TSNARE1: variants seen among roughly 807,000 people sequenced by gnomAD.
The protein encoded by TSNARE1 is t-SNARE domain-containing protein 1.
A neutral mutation model predicts 62.0 loss-of-function variants in TSNARE1; 49 were observed. The observed-to-expected ratio is 0.79, with a 90% CI of 0.63 to 1.00. The LOEUF (loss-of-function observed/expected upper bound fraction) is 1.00. Ranked by LOEUF, TSNARE1 falls within the 50% of genes least tolerant of loss-of-function variation. The pLI is 0.00. For missense variants in TSNARE1, 755 were observed against 700.1 expected (o/e 1.08, Z -0.88); for synonymous variants, 328 against 294.4 (o/e 1.11, Z -1.17).
chr8:142,340,038 G>T (rs973524519), intron 4 of TSNARE1, among the ~76,000 whole-genome samples: 1 of 152,360 alleles, frequency 6.6e-6, no homozygotes, highest in African/African-American at 2.4e-5. Context: ...CAGGGTCGGG[G>T]CCAGACTGGC....
intron 4 of TSNARE1, among the ~76,000 whole-genome samples, chr8:142,334,197 C>T (rs935357984): frequency 2.0e-5 from 3 of 152,236 alleles, no homozygotes; most frequent in Admixed American, 6.5e-5. Context: ...CCATGCCTCA[C>T]TACCATTTTC....
At position 142,292,051 on chromosome 8, in the gene TSNARE1, G is replaced by A. The variant is rs184583956; in HGVS notation, c.1291-7566C>T. Among the ~76,000 whole-genome samples the A allele has an allele frequency of 1.5e-4, 23 of 151,556 alleles. No individual in the cohort carries two copies. In the East Asian group the frequency reaches 3.9e-3, roughly 26 times the overall value. On this transcript the variant is annotated intron_variant, in intron 10 of 13. Transcript: ENST00000524325. ...GGCTCGGCTTCCTTCTGGCTCTGCC[G>A]GGGTCCTGGCAGCATCCTCCAGGGC...
chr8:142,384,536 G>C (rs967099954), intron 1 of TSNARE1, among the ~76,000 whole-genome samples: 11 of 152,124 alleles, frequency 7.2e-5, no homozygotes, highest in African/African-American at 2.4e-4. Context: ...TGTATACATG[G>C]TGATATGATC....
At chr8:142,228,184 C>T (rs1816928921) in intron 13 of TSNARE1, among the ~76,000 whole-genome samples, 1 of 152,218 alleles carries the variant, frequency 6.6e-6, no homozygotes, top group Admixed American at 6.5e-5. Context: ...GCCAGAGCCA[C>T]CCAGCTAAGC....
chr8:142,354,648 C>T lies in TSNARE1; in HGVS notation c.77G>A (p.Cys26Tyr). Residue 26 changes from cysteine to tyrosine, a missense_variant, in exon 2 of 14, where the codon TGT becomes TAT. Physicochemically the swap from Cys to Tyr is radical, Grantham distance 194. Coordinates refer to ENST00000524325, the MANE Select transcript of TSNARE1 (RefSeq NM_145003.5). ...GPFGGPSRQG[C>Y]QPLECARCWT... The stretch of plus-strand genomic sequence containing the variant: ...GCTACTATCATTACCTAGGGGCTGA[C>T]AGCCTTGTCTCGAAGGTCCCCCGAA... 6.2e-7 allele frequency: 1 copy of T among 1,612,782 alleles called. No individual in the cohort carries two copies.
At chr8:142,386,958 A>G (rs1213961245) in intron 1 of TSNARE1, among the ~76,000 whole-genome samples, 1 of 152,192 alleles carries the variant, frequency 6.6e-6, no homozygotes, top group Non-Finnish European at 1.5e-5. Flanking sequence ...AAGGCGGTAA[A>G]AGTGATTGAT....
At chr8:142,359,110 C>T (rs1474383360) in intron 1 of TSNARE1, among the ~76,000 whole-genome samples, 1 of 152,120 alleles carries the variant, frequency 6.6e-6, no homozygotes, top group East Asian at 1.9e-4. Flanking sequence ...ACTCGGCTTC[C>T]CCCATGCTGC....
intron 1 of TSNARE1, among the ~76,000 whole-genome samples, chr8:142,368,292 G>A (rs1363093751): frequency 6.6e-6 from 1 of 152,110 alleles, no homozygotes; most frequent in Non-Finnish European, 1.5e-5. Flanking sequence ...GACACAAACA[G>A]AAAATTTACA....
intron 2 of TSNARE1, among the ~76,000 whole-genome samples, chr8:142,351,512 C>T (rs905354247): frequency 2.6e-5 from 4 of 152,116 alleles, no homozygotes; most frequent in Admixed American, 6.5e-5. Context: ...TGCTTGTTCA[C>T]GGACTGGAAG....
intron 6 of TSNARE1, among the ~76,000 whole-genome samples, chr8:142,320,058 C>A (rs1219234498): frequency 6.6e-6 from 1 of 152,112 alleles, no homozygotes; most frequent in Non-Finnish European, 1.5e-5. Flanking sequence ...ACCCCCGCTC[C>A]CACCAGTCCC....
At chr8:142,314,265 C>T (rs1014844958) in intron 9 of TSNARE1, 119 bp downstream of exon 9, 14 of 862,046 alleles carry the variant, frequency 1.6e-5, no homozygotes, top group Middle Eastern at 3.4e-4. Context: ...TGCCTCAGGG[C>T]GCCCCTCAGA....
At chr8:142,249,428 A>AG (rs971691110) in intron 12 of TSNARE1, among the ~76,000 whole-genome samples, 9 of 152,224 alleles carry the variant, frequency 5.9e-5, no homozygotes, top group African/African-American at 2.2e-4. Flanking sequence ...GCTACTAGGA[A>AG]GGGGGACAGC....
chr8:142,217,323 G>GAA (rs753340270), intron 13 of TSNARE1, among the ~76,000 whole-genome samples: 1 of 39,416 alleles, frequency 2.5e-5, no homozygotes, highest in African/African-American at 6.7e-5. Flanking sequence ...AAGAAAGAAA[G>GAA]AAAGAAAGAA....
chr8:142,232,345 C>T (rs1246845568), intron 12 of TSNARE1, among the ~76,000 whole-genome samples: 2 of 152,278 alleles, frequency 1.3e-5, no homozygotes, highest in Non-Finnish European at 2.9e-5. Context: ...CCTGCCCAGA[C>T]TGGGCCCTCG....
At chr8:142,328,842 C>A (rs1428578296) in intron 6 of TSNARE1, among the ~76,000 whole-genome samples, 2 of 149,058 alleles carry the variant, frequency 1.3e-5, no homozygotes, top group Non-Finnish European at 3.0e-5. Context: ...GTTCCGCACA[C>A]AGGTGACAGA....
At chr8:142,340,679 G>A (rs1832460390) in intron 4 of TSNARE1, among the ~76,000 whole-genome samples, 1 of 152,236 alleles carries the variant, frequency 6.6e-6, no homozygotes, top group Admixed American at 6.5e-5. Flanking sequence ...GGGCCTGGTG[G>A]GTTTGTTCCA....
At chr8:142,263,893 C>A (rs1029579110) in intron 12 of TSNARE1, among the ~76,000 whole-genome samples, 1 of 152,128 alleles carries the variant, frequency 6.6e-6, no homozygotes, top group Non-Finnish European at 1.5e-5. Flanking sequence ...GACTTTGTAG[C>A]GCCTTCCATT....
At chr8:142,271,539 G>C in intron 12 of TSNARE1, 1 of 1,370,256 alleles carries the variant, frequency 7.3e-7, no homozygotes, top group Non-Finnish European at 9.4e-7. Context: ...GTTGCTGGTG[G>C]GGTGGAGGCT....
At chr8:142,299,507 G>A (rs1586652391) in intron 10 of TSNARE1, among the ~76,000 whole-genome samples, 1 of 152,222 alleles carries the variant, frequency 6.6e-6, no homozygotes, top group African/African-American at 2.4e-5. Context: ...GCAGAGGCTC[G>A]GATCCCACCG....
Sources: allele counts gnomAD v4.1 joint callset (sites outside exome capture counted in the v4.1 genomes callset), GRCh38; gene constraint gnomAD v4.1.1; transcripts MANE v1.5; gene names NCBI Gene and HGNC (gene_info 2026-07-23, HGNC 2026-07-21).